OPCML: variants seen among roughly 807,000 people sequenced by gnomAD.
OPCML encodes the protein opioid binding protein/cell adhesion molecule like, also known as opioid-binding protein/cell adhesion molecule.
OPCML carries 13 observed loss-of-function variants against 37.8 expected under a neutral mutation model. The observed-to-expected ratio is 0.34, with a 90% CI of 0.22 to 0.55. The LOEUF is 0.55. Among genes scored for constraint, OPCML ranks in the 20% least tolerant of loss-of-function variants. The pLI is 0.91. For synonymous variants in OPCML, 176 were observed against 168.8 expected, an observed-to-expected ratio of 1.04 and a Z score of -0.33; for missense variants, 341 against 435.6, an observed-to-expected ratio of 0.78 and a Z score of 1.93.
intron 1 of OPCML, among the ~76,000 whole-genome samples, chr11:132,969,609 C>CT (rs1946294740): frequency 6.6e-6 from 1 of 152,112 alleles, no homozygotes; most frequent in Non-Finnish European, 1.5e-5. Context: ...TTTCTTCACA[C>CT]TTTTTTCTCT....
At chr11:132,642,368 T>G (rs1014580380) in intron 3 of OPCML, among the ~76,000 whole-genome samples, 2 of 152,134 alleles carry the variant, frequency 1.3e-5, no homozygotes, top group African/African-American at 4.8e-5. Flanking sequence ...TCAAAACTAG[T>G]TATAAGAAGA....
chr11:132,744,656 A>G (rs1235894445), intron 2 of OPCML, among the ~76,000 whole-genome samples: 1 of 152,258 alleles, frequency 6.6e-6, no homozygotes, highest in African/African-American at 2.4e-5. Context: ...AGCCTGCATT[A>G]GGCACTGCCA....
intron 1 of OPCML, among the ~76,000 whole-genome samples, chr11:133,345,367 G>A (rs1432185386): frequency 6.6e-6 from 1 of 152,232 alleles, no homozygotes; most frequent in Non-Finnish European, 1.5e-5. Context: ...TTTACTTACT[G>A]CTTTTAATAT....
chr11:133,332,497 G>C (rs1226362224), intron 1 of OPCML, among the ~76,000 whole-genome samples: 1 of 152,158 alleles, frequency 6.6e-6, no homozygotes, highest in Non-Finnish European at 1.5e-5. Context: ...GAAGTGGTGA[G>C]AGAGGGCATT....
chr11:132,573,012 G>A (rs1292968842), intron 3 of OPCML, among the ~76,000 whole-genome samples: 1 of 151,494 alleles, frequency 6.6e-6, no homozygotes, highest in African/African-American at 2.4e-5. Flanking sequence ...TGATGTTATT[G>A]TAAATGAGAT....
At chr11:132,510,639 C>A (rs192162753) in intron 4 of OPCML, among the ~76,000 whole-genome samples, 79 of 152,280 alleles carry the variant, frequency 5.2e-4, no homozygotes, top group African/African-American at 1.8e-3. Context: ...TCCTCATTTT[C>A]TCTTGCTGCC....
At chr11:132,849,622 G>C (rs1434254176) in intron 2 of OPCML, among the ~76,000 whole-genome samples, 1 of 152,200 alleles carries the variant, frequency 6.6e-6, no homozygotes, top group African/African-American at 2.4e-5. Flanking sequence ...AAGATCACCT[G>C]CAAGTAGAGA....
At chr11:133,222,456 G>A (rs1308405633) in intron 1 of OPCML, among the ~76,000 whole-genome samples, 1 of 152,168 alleles carries the variant, frequency 6.6e-6, no homozygotes, top group Non-Finnish European at 1.5e-5. Flanking sequence ...TGTTCCTGTG[G>A]CCGCTCCTCA....
At chr11:133,024,213 C>T (rs575153048) in intron 1 of OPCML, 1 of 259,246 alleles carries the variant, frequency 3.9e-6, no homozygotes, top group East Asian at 1.8e-4. Context: ...AAGGAGGATT[C>T]ATCAGACCAA....
chr11:133,334,317 A>G (rs111693294), intron 1 of OPCML, among the ~76,000 whole-genome samples: 2,797 of 152,364 alleles, frequency 0.018, 95 homozygotes, highest in African/African-American at 0.062. Context: ...CAGCAGTGAA[A>G]AAAAAGAACA....
intron 1 of OPCML, among the ~76,000 whole-genome samples, chr11:133,151,205 G>T (rs575987851): frequency 6.6e-6 from 1 of 151,934 alleles, no homozygotes; most frequent in Non-Finnish European, 1.5e-5. Flanking sequence ...CCCGGGAGGC[G>T]GAAGTTGCAG....
intron 1 of OPCML, among the ~76,000 whole-genome samples, chr11:133,380,943 C>T (rs189733283): frequency 2.0e-5 from 3 of 152,098 alleles, no homozygotes; most frequent in African/African-American, 7.2e-5. Flanking sequence ...AGGTACGGAC[C>T]TAAGCTGTCT....
intron 3 of OPCML, among the ~76,000 whole-genome samples, chr11:132,628,760 G>A (rs117911505): frequency 6.6e-6 from 1 of 152,172 alleles, no homozygotes; most frequent in African/African-American, 2.4e-5. Context: ...ATTGAATGAG[G>A]GGGGGCAGTT....
At chr11:132,612,507 A>C (rs1938716054) in intron 3 of OPCML, among the ~76,000 whole-genome samples, 1 of 152,178 alleles carries the variant, frequency 6.6e-6, no homozygotes, top group South Asian at 2.1e-4. Flanking sequence ...TGATTCAGTC[A>C]TACTCCATTC....
At chr11:132,789,351 T>C (rs1171225014) in intron 2 of OPCML, among the ~76,000 whole-genome samples, 1 of 152,130 alleles carries the variant, frequency 6.6e-6, no homozygotes, top group Non-Finnish European at 1.5e-5. Flanking sequence ...AACAGAAAGT[T>C]ATAACATGAA....
intron 7 of OPCML, among the ~76,000 whole-genome samples, chr11:132,421,018 A>G (rs2095956879): frequency 6.6e-6 from 1 of 151,450 alleles, no homozygotes; most frequent in Non-Finnish European, 1.5e-5. Context: ...CCCTTCCTGT[A>G]TCCCCAATAA....
At chr11:133,163,674 G>A (rs1480844278) in intron 1 of OPCML, among the ~76,000 whole-genome samples, 1 of 152,188 alleles carries the variant, frequency 6.6e-6, no homozygotes, top group Non-Finnish European at 1.5e-5. Flanking sequence ...AAACATTTCA[G>A]TGTGAGTGTT....
chr11:133,154,855 G>C (rs1028073548), intron 1 of OPCML, among the ~76,000 whole-genome samples: 26 of 152,132 alleles, frequency 1.7e-4, no homozygotes, highest in Admixed American at 2.0e-4. Flanking sequence ...CAAAGTTTCT[G>C]TGAACGGAAG....
intron 2 of OPCML, among the ~76,000 whole-genome samples, chr11:132,882,513 A>G (rs1943256437): frequency 6.6e-6 from 1 of 152,092 alleles, no homozygotes; most frequent in African/African-American, 2.4e-5. Context: ...CACTGGAATC[A>G]CTCATTGATA....
Sources: allele counts gnomAD v4.1 joint callset (sites outside exome capture counted in the v4.1 genomes callset), GRCh38; gene constraint gnomAD v4.1.1; transcripts MANE v1.5; gene names NCBI Gene and HGNC (gene_info 2026-07-23, HGNC 2026-07-21).